PIK3C2G: variants seen among roughly 807,000 people sequenced by gnomAD.
PIK3C2G encodes the protein phosphatidylinositol 3-kinase C2 domain-containing subunit gamma.
A neutral mutation model predicts 181.1 loss-of-function variants in PIK3C2G; 168 were observed. That is an observed-to-expected ratio of 0.93 (90% confidence interval 0.82 to 1.05). PIK3C2G has a LOEUF of 1.05. PIK3C2G is among the 50% of genes least tolerant of loss of function. PIK3C2G has a pLI of 0.00. For missense variants in PIK3C2G, 1,869 were observed against 1,732.8 expected (o/e 1.08, Z -1.40); for synonymous variants, 573 against 592.2 (o/e 0.97, Z 0.47).
At chr12:18,294,968 T>C (rs1237544750) in intron 5 of PIK3C2G, among the ~76,000 whole-genome samples, 1 of 151,492 alleles carries the variant, frequency 6.6e-6, no homozygotes, top group Non-Finnish European at 1.5e-5. Context: ...TAAATCCAGT[T>C]CTTTACTGTG....
At chr12:18,376,155 C>T (rs1323530870) in intron 13 of PIK3C2G, among the ~76,000 whole-genome samples, 7 of 152,198 alleles carry the variant, frequency 4.6e-5, no homozygotes, top group Non-Finnish European at 8.8e-5. Context: ...GGCCACCACT[C>T]TCCAGATTCT....
At chr12:18,447,709 T>C (rs1947104571) in intron 18 of PIK3C2G, among the ~76,000 whole-genome samples, 1 of 152,208 alleles carries the variant, frequency 6.6e-6, no homozygotes, top group African/African-American at 2.4e-5. Context: ...TTTTATCGTG[T>C]ACTTTTAAAC....
chr12:18,491,174 C>T (rs1014131460), intron 19 of PIK3C2G, among the ~76,000 whole-genome samples: 2 of 152,112 alleles, frequency 1.3e-5, no homozygotes, highest in Non-Finnish European at 2.9e-5. Flanking sequence ...TTTGTTTGAA[C>T]AGTACAGTGC....
At chr12:18,562,246 C>T (rs1160784870) in intron 26 of PIK3C2G, among the ~76,000 whole-genome samples, 3 of 152,154 alleles carry the variant, frequency 2.0e-5, no homozygotes, top group Non-Finnish European at 4.4e-5. Flanking sequence ...ATTCTCCTGC[C>T]TCAGGCTCCC....
intron 1 of PIK3C2G, among the ~76,000 whole-genome samples, chr12:18,274,474 T>C (rs1948888798): frequency 6.6e-6 from 1 of 152,106 alleles, no homozygotes; most frequent in Non-Finnish European, 1.5e-5. Context: ...TATGCAACCA[T>C]AAAAAATGAT....
chr12:18,575,602 T>A (rs1946195460), intron 29 of PIK3C2G, among the ~76,000 whole-genome samples: 1 of 152,134 alleles, frequency 6.6e-6, no homozygotes, highest in Non-Finnish European at 1.5e-5. Flanking sequence ...GGCAACTGCC[T>A]GAGCACCTAA....
chr12:18,503,539 C>T, intron 23 of PIK3C2G, 122 bp downstream of exon 23: 1 of 594,990 alleles, frequency 1.7e-6, no homozygotes, highest in Non-Finnish European at 2.7e-6. Flanking sequence ...TTCAATCAGC[C>T]CAGTAATTAA....
At chr12:18,479,530 T>TTGCCTAA (rs1332014457) in intron 18 of PIK3C2G, among the ~76,000 whole-genome samples, 2 of 152,120 alleles carry the variant, frequency 1.3e-5, no homozygotes, top group African/African-American at 2.4e-5. Context: ...GAGGTAAGGA[T>TTGCCTAA]TGCCTAACAC....
At chr12:18,620,660 G>A (rs1362091847) in intron 31 of PIK3C2G, among the ~76,000 whole-genome samples, 1 of 151,900 alleles carries the variant, frequency 6.6e-6, no homozygotes, top group Non-Finnish European at 1.5e-5. Flanking sequence ...TTTCCCAAGT[G>A]CTATTGCTAA....
At chr12:18,457,714 A>G (rs1324126300) in intron 18 of PIK3C2G, among the ~76,000 whole-genome samples, 1 of 151,966 alleles carries the variant, frequency 6.6e-6, no homozygotes. Flanking sequence ...TTTATTCTAG[A>G]CTCTCTTTCA....
intron 9 of PIK3C2G, among the ~76,000 whole-genome samples, chr12:18,341,843 C>T (rs1939172129): frequency 6.6e-6 from 1 of 152,104 alleles, no homozygotes; most frequent in Admixed American, 6.6e-5. Flanking sequence ...TTCTTGGCTG[C>T]ATTTTTGGTC....
chr12:18,282,230 AAATTCC>A lies in PIK3C2G; in HGVS notation c.151_156del (p.Ile51_Pro52del). 1 of 1,613,662 alleles carries A rather than the reference AAATTCC, an allele frequency of 6.2e-7. No individual in the cohort carries two copies. The highest frequency in any genetic ancestry group is 8.5e-7 in the Non-Finnish European group (1 of 1,179,744). On this transcript the variant is annotated inframe_deletion, in exon 2 of 33. Transcript: ENST00000538779. ...CAGATAGTAGATGAGATCAGTGGCAAAATTCCACACTACGAGAGTGAAATTGATGAA... is the reference window on the plus strand; with the variant it reads ...CAGATAGTAGATGAGATCAGTGGCAAACACTACGAGAGTGAAATTGATGAA...
the PIK3C2G span, among the ~76,000 whole-genome samples, chr12:18,673,392 A>T: frequency 6.6e-6 from 1 of 152,154 alleles, no homozygotes; most frequent in Non-Finnish European, 1.5e-5. Flanking sequence ...GTTATATGAA[A>T]ATATCATAAA....
At chr12:18,534,694 A>G (rs1384898855) in intron 24 of PIK3C2G, among the ~76,000 whole-genome samples, 1 of 2,724 alleles carries the variant, frequency 3.7e-4, no homozygotes, top group Non-Finnish European at 2.9e-3. Flanking sequence ...TTTGGATTAA[A>G]AAAAAAGAAA....
intron 31 of PIK3C2G, among the ~76,000 whole-genome samples, chr12:18,634,812 A>G (rs1465100770): frequency 1.3e-5 from 2 of 152,194 alleles, no homozygotes; most frequent in South Asian, 2.1e-4. Flanking sequence ...CATTATTAAA[A>G]TCTTCTGATG....
At chr12:18,380,783 G>C (rs1390959649) in intron 13 of PIK3C2G, among the ~76,000 whole-genome samples, 1 of 152,128 alleles carries the variant, frequency 6.6e-6, no homozygotes, top group Non-Finnish European at 1.5e-5. Context: ...TGATAAAAGA[G>C]GCAGTCTTCA....
chr12:18,393,218 T>G (rs1386103390), intron 15 of PIK3C2G, among the ~76,000 whole-genome samples: 1 of 152,110 alleles, frequency 6.6e-6, no homozygotes, highest in African/African-American at 2.4e-5. Context: ...TATTTCAGTT[T>G]CTATTTAAGC....
At chr12:18,702,082 A>ATG in the PIK3C2G span, among the ~76,000 whole-genome samples, 1 of 152,168 alleles carries the variant, frequency 6.6e-6, no homozygotes, top group Non-Finnish European at 1.5e-5. Context: ...GTATATATAT[A>ATG]TAAATACTTA....
chr12:18,550,283 G>A (rs1944657410), intron 26 of PIK3C2G, among the ~76,000 whole-genome samples: 1 of 151,984 alleles, frequency 6.6e-6, no homozygotes, highest in Non-Finnish European at 1.5e-5. Context: ...TATGTATTAT[G>A]TTGTTTGGAA....
Sources: allele counts gnomAD v4.1 joint callset (sites outside exome capture counted in the v4.1 genomes callset), GRCh38; gene constraint gnomAD v4.1.1; transcripts MANE v1.5; gene names NCBI Gene and HGNC (gene_info 2026-07-23, HGNC 2026-07-21).